LANCL2: variants seen among roughly 807,000 people sequenced by gnomAD.
LANCL2 encodes lanC-like protein 2.
Under a neutral mutation model 56.9 loss-of-function variants are expected in LANCL2, and 33 were observed. That is an observed-to-expected ratio of 0.58 (90% confidence interval 0.44 to 0.78). The LOEUF (loss-of-function observed/expected upper bound fraction) is 0.78. LANCL2 is among the 30% of genes least tolerant of loss of function. The probability of loss-of-function intolerance (pLI) is 0.00; values close to 1 mark genes in which losing one functional copy is unlikely to be tolerated. For synonymous variants in LANCL2, 233 were observed against 228.2 expected (o/e 1.02, Z -0.19); for missense variants, 562 against 580.2 (o/e 0.97, Z 0.32).
At chr7:55,428,052 T>G in intron 7 of LANCL2, 1 of 354,038 alleles carries the variant, frequency 2.8e-6, no homozygotes, top group Non-Finnish European at 5.3e-6. Context: ...AGCAGGCGTT[T>G]CGAGTTGCTT....
chr7:55,411,502 G>C (rs182352624), intron 5 of LANCL2: 106 of 155,640 alleles, frequency 6.8e-4, no homozygotes, highest in Non-Finnish European at 1.0e-3. Context: ...ATTTGGCCAA[G>C]TAACAAAGCC....
chr7:55,377,405 A>G (rs1215908116), intron 1 of LANCL2, among the ~76,000 whole-genome samples: 8 of 152,144 alleles, frequency 5.3e-5, no homozygotes, highest in African/African-American at 1.9e-4. Flanking sequence ...CTTCAGTATC[A>G]CCCAGTGTCT....
In LANCL2 at chr7:55,412,134, G is replaced by C. The variant is rs550045714; in HGVS notation, c.1008+45G>C. ...CGGCCGTCCCCTGTGTGGGGAGCCAGGTTTCCCTGTCAGGTTTTGGGTCTT... is the reference window on the plus strand; with the variant it reads ...CGGCCGTCCCCTGTGTGGGGAGCCACGTTTCCCTGTCAGGTTTTGGGTCTT... On this transcript the variant is annotated intron_variant, in intron 6 of 8. Coordinates refer to ENST00000254770, the MANE Select transcript of LANCL2 (RefSeq NM_018697.4). 2.4e-5 allele frequency: 37 copies of C among 1,562,576 alleles called. No individual in the cohort carries two copies. The East Asian group carries it at 8.0e-4, about 34-fold the overall frequency.
chr7:55,429,706 A>G (rs1195027162), intron 8 of LANCL2, among the ~76,000 whole-genome samples: 1 of 152,278 alleles, frequency 6.6e-6, no homozygotes, highest in Non-Finnish European at 1.5e-5. Flanking sequence ...TGCATCAGAT[A>G]TAACAGAGTT....
intron 6 of LANCL2, among the ~76,000 whole-genome samples, chr7:55,418,391 G>A (rs563339892): frequency 8.6e-5 from 13 of 151,972 alleles, no homozygotes; most frequent in East Asian, 1.9e-4. Context: ...TATTGACCAG[G>A]CTGGTCTCAA....
At chr7:55,378,950 G>T (rs111841037) in intron 1 of LANCL2, among the ~76,000 whole-genome samples, 7,713 of 152,226 alleles carry the variant, frequency 0.051, 660 homozygotes, top group African/African-American at 0.17. Flanking sequence ...GGCTAACACG[G>T]TGAAACCCTG....
chr7:55,394,718 C>T (rs776928805), intron 2 of LANCL2, among the ~76,000 whole-genome samples: 3 of 152,180 alleles, frequency 2.0e-5, no homozygotes, highest in Non-Finnish European at 4.4e-5. Flanking sequence ...AGGGTCCAGG[C>T]ATGGCTGAAT....
At chr7:55,430,426 T>G (rs1790714992) in intron 8 of LANCL2, among the ~76,000 whole-genome samples, 1 of 152,102 alleles carries the variant, frequency 6.6e-6, no homozygotes, top group Non-Finnish European at 1.5e-5. Context: ...AACTAATCCA[T>G]GGTGGACCAA....
chr7:55,427,260 T>A (rs1487700298), intron 7 of LANCL2, among the ~76,000 whole-genome samples: 1 of 152,158 alleles, frequency 6.6e-6, no homozygotes, highest in African/African-American at 2.4e-5. Flanking sequence ...TGAGGAAGCC[T>A]CAGCACTAAT....
intron 5 of LANCL2, among the ~76,000 whole-genome samples, chr7:55,406,728 A>G (rs1790411847): frequency 6.6e-6 from 1 of 152,236 alleles, no homozygotes; most frequent in Admixed American, 6.5e-5. Flanking sequence ...AATATCACTT[A>G]AAAAGAACTC....
rs1196951081 is a variant in LANCL2 at position 55,432,080 on chromosome 7, A to G, written c.*760A>G. On this transcript the variant is annotated 3_prime_UTR_variant, in exon 9 of 9. Transcript: ENST00000254770. ...TTCCCAAGAAGCCTTTGATGGCCAC[A>G]CTGTAGGCAGCAGTGACTAAGCACT... The G allele has an allele frequency of 6.6e-6, 1 of 152,212 alleles. No homozygotes were observed. The highest frequency in any genetic ancestry group is 1.5e-5 in the Non-Finnish European group (1 of 68,038). 9.4% of individuals were successfully genotyped at this position (152,212 alleles called of 1,614,324 possible).
chr7:55,425,750 G>C (rs1790657254), intron 7 of LANCL2, among the ~76,000 whole-genome samples: 1 of 152,084 alleles, frequency 6.6e-6, no homozygotes, highest in South Asian at 2.1e-4. Flanking sequence ...TTCCTCATTT[G>C]TACAGACAGA....
intron 6 of LANCL2, 117 bp from the exon 7 acceptor site, chr7:55,425,137 C>A: frequency 4.3e-6 from 4 of 929,686 alleles, no homozygotes; most frequent in Non-Finnish European, 4.9e-6. Context: ...TTTTCACCCC[C>A]AGTGCCATTT....
intron 5 of LANCL2, among the ~76,000 whole-genome samples, chr7:55,403,436 A>AGAGAGGGAGAGGGAGAGGGAGAGGAGG: frequency 7.0e-6 from 1 of 142,994 alleles, no homozygotes; most frequent in East Asian, 1.9e-4. Flanking sequence ...GACCGTGGAA[A>AGAGAGGGAGAGGGAGAGGGAGAGGAGG]GAGAGGGAGA....
intron 5 of LANCL2, among the ~76,000 whole-genome samples, chr7:55,403,188 C>T (rs559806469): frequency 1.2e-4 from 18 of 152,406 alleles, no homozygotes; most frequent in African/African-American, 3.8e-4. Flanking sequence ...CGTCTGCCAT[C>T]CCGGCACCTC....
chr7:55,396,465 T>C (rs1388682444), intron 2 of LANCL2, among the ~76,000 whole-genome samples: 2 of 152,196 alleles, frequency 1.3e-5, no homozygotes, highest in African/African-American at 2.4e-5. Context: ...GCTTTCAGCA[T>C]TGGGGAAGGG....
chr7:55,422,537 A>G (rs953670195), intron 6 of LANCL2, among the ~76,000 whole-genome samples: 1 of 152,146 alleles, frequency 6.6e-6, no homozygotes, highest in Non-Finnish European at 1.5e-5. Context: ...GTAAGTGTGT[A>G]TCTTTTAGTA....
At chr7:55,426,500 G>A (rs867498719) in intron 7 of LANCL2, among the ~76,000 whole-genome samples, 1 of 152,162 alleles carries the variant, frequency 6.6e-6, no homozygotes, top group Middle Eastern at 3.2e-3. Context: ...ATTACTTTCT[G>A]AAGACTTCTC....
At chr7:55,371,103 G>T (rs888793170) in intron 1 of LANCL2, among the ~76,000 whole-genome samples, 22 of 152,170 alleles carry the variant, frequency 1.4e-4, no homozygotes, top group African/African-American at 5.3e-4. Flanking sequence ...TAGTTTTCAT[G>T]TTGTGCCTTA....
Sources: gnomAD v4.1 joint callset for allele counts (sites outside exome capture counted in the v4.1 genomes callset) on GRCh38, gnomAD v4.1.1 for gene constraint, MANE v1.5 for transcripts, NCBI Gene and HGNC (gene_info 2026-07-23, HGNC 2026-07-21) for gene names.